The following KCNH8 variants were observed in gnomAD, a reference collection of about 807,000 sequenced individuals.
The protein encoded by KCNH8 is potassium voltage-gated channel subfamily H member 8.
KCNH8 carries 70 observed loss-of-function variants against 103.6 expected under a neutral mutation model. The observed-to-expected ratio is 0.68, with a 90% CI of 0.56 to 0.82. The LOEUF is 0.82. KCNH8 is among the 40% of genes least tolerant of loss of function. KCNH8 has a pLI of 0.00. For synonymous variants in KCNH8, 498 were observed against 489.4 expected, an observed-to-expected ratio of 1.02 and a Z score of -0.23; for missense variants, 1,217 against 1,329.9, an observed-to-expected ratio of 0.92 and a Z score of 1.32.
At chr3:19,232,945 AT>A (rs2064013403) in intron 1 of KCNH8, among the ~76,000 whole-genome samples, 1 of 152,054 alleles carries the variant, frequency 6.6e-6, no homozygotes, top group African/African-American at 2.4e-5. Flanking sequence ...TAAAATGGCA[AT>A]TTTCTATGAT....
intron 8 of KCNH8, among the ~76,000 whole-genome samples, chr3:19,441,831 T>C (rs969168243): frequency 2.0e-5 from 3 of 152,186 alleles, no homozygotes; most frequent in African/African-American, 7.2e-5. Context: ...GCATGAGAGA[T>C]GTGATATGAG....
intron 2 of KCNH8, among the ~76,000 whole-genome samples, chr3:19,279,437 G>A (rs78427452): frequency 0.012 from 1,888 of 152,102 alleles, 15 homozygotes; most frequent in South Asian, 0.035. Flanking sequence ...CTTCCCTATC[G>A]TTTCATGGCT....
rs566944937 is a variant in KCNH8 at position 19,375,953 on chromosome 3, C to T, written c.812-14528C>T. Among the ~76,000 whole-genome samples the T allele has an allele frequency of 1.4e-4, 22 of 152,270 alleles. No homozygotes were observed. In the East Asian group the frequency reaches 1.7e-3, roughly 12 times the overall value. Reference sequence around the variant, plus strand: ...GACCCACTTGAGGAGGCAGTCTGCCCGTTCTCAGATCTCCAGCTGTGTGCT... The same window carrying T: ...GACCCACTTGAGGAGGCAGTCTGCCTGTTCTCAGATCTCCAGCTGTGTGCT... On this transcript the variant is annotated intron_variant, in intron 5 of 15. Transcript: ENST00000328405.
chr3:19,252,857 TC>T (rs372406247), intron 1 of KCNH8, among the ~76,000 whole-genome samples: 3 of 152,286 alleles, frequency 2.0e-5, no homozygotes, highest in African/African-American at 4.8e-5. Context: ...TCACCTAGAC[TC>T]ACCTGGAGAT....
intron 1 of KCNH8, 84 bp downstream of exon 1, chr3:19,148,879 T>A: frequency 8.4e-7 from 1 of 1,192,576 alleles, no homozygotes; most frequent in South Asian, 1.2e-5. Flanking sequence ...CCACCTTCCC[T>A]TTTGCACCAG....
chr3:19,357,447 G>C (rs1284145856), intron 5 of KCNH8, among the ~76,000 whole-genome samples: 1 of 151,426 alleles, frequency 6.6e-6, no homozygotes, highest in Non-Finnish European at 1.5e-5. Flanking sequence ...TGTTAACTGA[G>C]TATTTTGTTA....
chr3:19,438,049 T>C, intron 7 of KCNH8, 115 bp from the exon 8 acceptor site: 1 of 805,074 alleles, frequency 1.2e-6, no homozygotes, highest in Non-Finnish European at 2.0e-6. Flanking sequence ...TTTTACCTTC[T>C]TCTTCCTCTG....
chr3:19,358,821 T>A (rs2065912759), intron 5 of KCNH8, among the ~76,000 whole-genome samples: 2 of 151,876 alleles, frequency 1.3e-5, no homozygotes, highest in African/African-American at 2.4e-5. Context: ...GTTAGAAAAC[T>A]TTGTAATTAG....
intron 4 of KCNH8, among the ~76,000 whole-genome samples, chr3:19,345,907 ATTGCTGAAC>A (rs2065722579): frequency 6.6e-6 from 1 of 152,106 alleles, no homozygotes; most frequent in African/African-American, 2.4e-5. Context: ...AAACTAATAT[ATTGCTGAAC>A]TTTTGTGACA....
intron 11 of KCNH8, among the ~76,000 whole-genome samples, chr3:19,458,437 A>G (rs1198947700): frequency 6.6e-6 from 1 of 151,728 alleles, no homozygotes; most frequent in Non-Finnish European, 1.5e-5. Flanking sequence ...GAAATATTGG[A>G]TCTCAATCTC....
Position 19,342,595 on chromosome 3 carries a change from A to G in KCNH8, c.451A>G (p.Lys151Glu). The G allele has an allele frequency of 6.2e-7, 1 of 1,610,042 alleles. No individual in the cohort carries two copies. Residue 151 changes from lysine (K) to glutamate (E), a missense_variant, in exon 4 of 16, where the codon AAA (lysine) becomes GAA (glutamate). Lys to Glu is a moderately conservative substitution (Grantham distance 56, BLOSUM62 1). Transcript: ENST00000328405. ...GTTTTATTTTCCCCCAGACAAAGTC[A>G]AAGGAAGATCAAGAGCAGGGACCCA... ...TPEDKKEDKVKGRSRAGTHFD... is the reference protein window; with the variant it reads ...TPEDKKEDKVEGRSRAGTHFD...
intron 5 of KCNH8, among the ~76,000 whole-genome samples, chr3:19,376,648 T>TTTACATATTTTA (rs1336800876): frequency 6.6e-6 from 1 of 152,218 alleles, no homozygotes; most frequent in Non-Finnish European, 1.5e-5. Flanking sequence ...TTAAATTTAC[T>TTTACATATTTTA]AATGTATTGC....
At chr3:19,440,484 C>T (rs532790963) in intron 8 of KCNH8, among the ~76,000 whole-genome samples, 52 of 152,322 alleles carry the variant, frequency 3.4e-4, no homozygotes, top group Middle Eastern at 3.4e-3. Flanking sequence ...GCACATTTCA[C>T]ATGGTGGCAG....
At chr3:19,337,886 C>T (rs1343209960) in intron 3 of KCNH8, among the ~76,000 whole-genome samples, 1 of 151,812 alleles carries the variant, frequency 6.6e-6, no homozygotes, top group Non-Finnish European at 1.5e-5. Flanking sequence ...GCTGTTGCTT[C>T]ATGTGCTCCA....
intron 15 of KCNH8, among the ~76,000 whole-genome samples, chr3:19,531,051 G>C (rs2069152608): frequency 6.6e-6 from 1 of 152,182 alleles, no homozygotes; most frequent in South Asian, 2.1e-4. Flanking sequence ...CATAATTGCT[G>C]ATGTGCCTAA....
At chr3:19,318,065 A>G (rs1225998533) in intron 3 of KCNH8, among the ~76,000 whole-genome samples, 1 of 151,968 alleles carries the variant, frequency 6.6e-6, no homozygotes, top group Non-Finnish European at 1.5e-5. Context: ...ATGATCCTGT[A>G]TCTGGAAATT....
At chr3:19,453,743 C>G (rs2067486559) in intron 10 of KCNH8, among the ~76,000 whole-genome samples, 1 of 152,106 alleles carries the variant, frequency 6.6e-6, no homozygotes, top group Non-Finnish European at 1.5e-5. Context: ...GGAAAGGTGC[C>G]ATTTGTGAAT....
At chr3:19,235,811 T>C (rs1411557790) in intron 1 of KCNH8, among the ~76,000 whole-genome samples, 2 of 152,186 alleles carry the variant, frequency 1.3e-5, no homozygotes, top group South Asian at 2.1e-4. Context: ...CTAGTTGAAA[T>C]GACTTGATTT....
intron 1 of KCNH8, among the ~76,000 whole-genome samples, chr3:19,208,952 T>C (rs1302637146): frequency 1.3e-5 from 2 of 152,024 alleles, no homozygotes; most frequent in Non-Finnish European, 2.9e-5. Context: ...TTTCATACTT[T>C]CCTTGTTCAG....
Sources: gnomAD v4.1 joint callset for allele counts (sites outside exome capture counted in the v4.1 genomes callset) on GRCh38, gnomAD v4.1.1 for gene constraint, MANE v1.5 for transcripts, NCBI Gene and HGNC (gene_info 2026-07-23, HGNC 2026-07-21) for gene names.